The following SFT2D3 variants were observed in gnomAD, a reference collection of about 807,000 sequenced individuals.
SFT2D3 encodes SFT2 domain containing 3, also known as vesicle transport protein SFT2C.
For missense variants in SFT2D3, 405 were observed against 334.6 expected (o/e 1.21, Z -1.64); for synonymous variants, 239 against 191.2 (o/e 1.25, Z -2.06).
At position 127,704,734 on chromosome 2, in the gene SFT2D3, T is replaced by TA; in HGVS notation, c.*2561dup. 1 of 167,112 alleles carries TA rather than the reference T, an allele frequency of 6.0e-6. No individual in the cohort carries two copies. The highest frequency in any genetic ancestry group is 1.9e-4 in the East Asian group (1 of 5,206). The allele number at this position is 167,112 out of a possible 1,614,324, so 10.4% of individuals were successfully genotyped here. A position where few individuals can be genotyped will look rare whatever the true frequency, so the allele number is the denominator to read the frequency against. On this transcript the variant is annotated 3_prime_UTR_variant, in exon 1 of 1. Transcript: ENST00000310981. ...TTTTTTACATTCATAGAGAACCAGT[T>TA]AAATTTTCATATCCTGTTAAACTAT...
At position 127,701,995 on chromosome 2, in the gene SFT2D3, C is replaced by A; in HGVS notation, c.467C>A (p.Thr156Lys). The A allele has an allele frequency of 1.5e-6, 2 of 1,326,942 alleles. No homozygotes were observed. Among genetic ancestry groups the A allele is most frequent in the Non-Finnish European group, 1.9e-6 (2 of 1,041,886 alleles). The allele number at this position is 1,326,942 out of a possible 1,614,324, so 82.2% of individuals were successfully genotyped here. A position where few individuals can be genotyped will look rare whatever the true frequency, so the allele number is the denominator to read the frequency against. ...CTCTACATGGCAGCGCTGGGCGCCA[C>A]GCTGTTCGCCGCGCTGGGCCTTCGC... Reference protein sequence around the residue: ...ALLYMAALGATLFAALGLRST... With the variant: ...ALLYMAALGAKLFAALGLRST... The change falls in exon 1 of 1, where the codon ACG becomes AAG. Residue 156 changes from threonine (T) to lysine (K), a missense_variant. Transcript: ENST00000310981.
chr2:127,701,790 G>C lies in SFT2D3; in HGVS notation c.262G>C (p.Ala88Pro), dbSNP rs953133255. ...AAGGGCLLLA[A>P]LCFGLAALYA... ...GGGCGGCGGGTGCCTGCTGCTGGCTGCACTGTGTTTCGGCCTAGCCGCGCT... is the reference window on the plus strand; with the variant it reads ...GGGCGGCGGGTGCCTGCTGCTGGCTCCACTGTGTTTCGGCCTAGCCGCGCT... The change falls in exon 1 of 1, where the codon GCA becomes CCA. Residue 88 changes from alanine (A) to proline (P), a missense_variant. Transcript: ENST00000310981. The C allele has an allele frequency of 3.4e-6, 5 of 1,451,040 alleles. No homozygotes were observed. The African/African-American group carries it at 5.9e-5, about 17-fold the overall frequency. 89.9% of individuals were successfully genotyped at this position (1,451,040 alleles called of 1,614,324 possible).
In SFT2D3 at chr2:127,701,905, T is replaced by TGCGGG. The variant is rs1453165270; in HGVS notation, c.382_386dup (p.Cys132ArgfsTer164). 6.2e-6 allele frequency: 9 copies of TGCGGG among 1,452,352 alleles called. No homozygotes were observed. Among genetic ancestry groups the TGCGGG allele is most frequent in the Non-Finnish European group, 8.1e-6 (9 of 1,108,850 alleles). 90.0% of individuals were successfully genotyped at this position (1,452,352 alleles called of 1,614,324 possible). A position where few individuals can be genotyped will look rare whatever the true frequency, so the allele number is the denominator to read the frequency against. On this transcript the variant is annotated frameshift_variant, in exon 1 of 1. Coordinates refer to ENST00000310981, the MANE Select transcript of SFT2D3 (RefSeq NM_032740.4). LOFTEE classifies it low-confidence loss of function (END_TRUNC). ...CTGGCGTTGGCGGGAAGCGCGCTGC[T>TGCGGG]GCGGGGCGGCGCGGCGTGCGGACGC...
Position 127,701,818 on chromosome 2 carries a change from A to T in SFT2D3, c.290A>T (p.Tyr97Phe), listed in dbSNP as rs1048601919. ...AALCFGLAALYAPVLLLRARK... is the reference protein window; with the variant it reads ...AALCFGLAALFAPVLLLRARK... The stretch of plus-strand genomic sequence containing the variant: ...CTGTGTTTCGGCCTAGCCGCGCTCT[A>T]CGCACCGGTGTTGCTGCTGCGCGCG... Residue 97 changes from tyrosine to phenylalanine, a missense_variant, in exon 1 of 1, where the codon TAC becomes TTC. Physicochemically the swap from Tyr to Phe is conservative, Grantham distance 22 (BLOSUM62 3). Transcript: ENST00000310981. 11 of 1,457,544 alleles carry T rather than the reference A, an allele frequency of 7.5e-6. No homozygotes were observed. The highest frequency in any genetic ancestry group is 8.1e-6 in the Non-Finnish European group (9 of 1,109,186). 90.3% of individuals were successfully genotyped at this position (1,457,544 alleles called of 1,614,324 possible).
rs918863928 is a variant in SFT2D3 at position 127,701,808 on chromosome 2, G to A, written c.280G>A (p.Ala94Thr). Residue 94 changes from alanine (A) to threonine (T), a missense_variant, in exon 1 of 1, where the codon GCC becomes ACC. Transcript: ENST00000310981. Reference protein sequence around the residue: ...LLLAALCFGLAALYAPVLLLR... With the variant: ...LLLAALCFGLTALYAPVLLLR... ...GCTGGCTGCACTGTGTTTCGGCCTA[G>A]CCGCGCTCTACGCACCGGTGTTGCT... The A allele has an allele frequency of 6.2e-6, 9 of 1,456,608 alleles. No individual in the cohort carries two copies. In the African/African-American group the frequency reaches 8.9e-5, roughly 14 times the overall value. The allele number at this position is 1,456,608 out of a possible 1,614,324, so 90.2% of individuals were successfully genotyped here.
In SFT2D3 at chr2:127,701,892, G is replaced by A. The variant is rs777128165; in HGVS notation, c.364G>A (p.Gly122Arg). 4.8e-6 allele frequency: 7 copies of A among 1,456,304 alleles called. No homozygotes were observed. Among genetic ancestry groups the A allele is most frequent in the Non-Finnish European group, 3.6e-6 (4 of 1,110,390 alleles). The allele number at this position is 1,456,304 out of a possible 1,614,324, so 90.2% of individuals were successfully genotyped here. ...WSLGSALALA[G>R]SALLRGGAAC... ...ACTGGGCTCGGCGCTGGCGTTGGCG[G>A]GAAGCGCGCTGCTGCGGGGCGGCGC... Residue 122 changes from glycine (G) to arginine (R), a missense_variant, in exon 1 of 1, where the codon GGA (glycine) becomes AGA (arginine). Gly to Arg is a moderately radical substitution (Grantham distance 125). Transcript: ENST00000310981.
Position 127,702,110 on chromosome 2 carries a change from C to G in SFT2D3, c.582C>G (p.Thr194=), listed in dbSNP as rs1685907197. The G allele has an allele frequency of 1.6e-6, 2 of 1,216,404 alleles. No individual in the cohort carries two copies. Among genetic ancestry groups the G allele is most frequent in the Admixed American group, 4.4e-5 (1 of 22,806 alleles). 75.4% of individuals were successfully genotyped at this position (1,216,404 alleles called of 1,614,324 possible). A position where few individuals can be genotyped will look rare whatever the true frequency, so the allele number is the denominator to read the frequency against. The change falls in exon 1 of 1, where the codon ACC becomes ACG. Residue 194 remains threonine, a synonymous_variant. Transcript: ENST00000310981. ...LVGLLPWGGG[T]ALRLALGRLG... ...GGCTGCTGCCCTGGGGCGGCGGCAC[C>G]GCGCTGCGCCTCGCACTGGGTCGCC...
Position 127,702,137 on chromosome 2 carries a change from G to T in SFT2D3, c.609G>T (p.Leu203=). The T allele has an allele frequency of 8.2e-7, 1 of 1,215,892 alleles. No homozygotes were observed. 75.3% of individuals were successfully genotyped at this position (1,215,892 alleles called of 1,614,324 possible). A position where few individuals can be genotyped will look rare whatever the true frequency, so the allele number is the denominator to read the frequency against. Reference sequence around the variant, plus strand: ...CGCTGCGCCTCGCACTGGGTCGCCTGGGCCGCGGCGCCGGCCTCGCCAAGG... The same window carrying T: ...CGCTGCGCCTCGCACTGGGTCGCCTTGGCCGCGGCGCCGGCCTCGCCAAGG... ...GTALRLALGR[L]GRGAGLAKVL... The change falls in exon 1 of 1, where the codon CTG becomes CTT. Residue 203 remains leucine, a synonymous_variant. Coordinates refer to ENST00000310981, the MANE Select transcript of SFT2D3 (RefSeq NM_032740.4).
Position 127,701,994 on chromosome 2 carries a change from A to C in SFT2D3, c.466A>C (p.Thr156Pro). ...GCTCTACATGGCAGCGCTGGGCGCCACGCTGTTCGCCGCGCTGGGCCTTCG... is the reference window on the plus strand; with the variant it reads ...GCTCTACATGGCAGCGCTGGGCGCCCCGCTGTTCGCCGCGCTGGGCCTTCG... ...ALLYMAALGATLFAALGLRST... is the reference protein window; with the variant it reads ...ALLYMAALGAPLFAALGLRST... Residue 156 changes from threonine (T) to proline (P), a missense_variant, in exon 1 of 1, where the codon ACG (threonine) becomes CCG (proline). By Grantham distance (38) the Thr-to-Pro change is conservative (BLOSUM62 -1). Transcript: ENST00000310981. 2 of 1,332,596 alleles carry C rather than the reference A, an allele frequency of 1.5e-6. No individual in the cohort carries two copies. The highest frequency in any genetic ancestry group is 1.9e-6 in the Non-Finnish European group (2 of 1,044,800). The allele number at this position is 1,332,596 out of a possible 1,614,324, so 82.5% of individuals were successfully genotyped here. A position where few individuals can be genotyped will look rare whatever the true frequency, so the allele number is the denominator to read the frequency against.
rs1411783638 is a variant in SFT2D3 at position 127,703,236 on chromosome 2, C to A, written c.*1060C>A. 6.0e-6 allele frequency: 1 copy of A among 167,042 alleles called. No individual in the cohort carries two copies. Among genetic ancestry groups the A allele is most frequent in the Non-Finnish European group, 1.5e-5 (1 of 68,108 alleles). 10.3% of individuals were successfully genotyped at this position (167,042 alleles called of 1,614,324 possible). A position where few individuals can be genotyped will look rare whatever the true frequency, so the allele number is the denominator to read the frequency against. On this transcript the variant is annotated 3_prime_UTR_variant, in exon 1 of 1. Transcript: ENST00000310981. Reference sequence around the variant, plus strand: ...CTCGCGCTTGACTGCACATCAGTTACTTGAAGAGCCACACCTCAGATCAAT... The same window carrying A: ...CTCGCGCTTGACTGCACATCAGTTAATTGAAGAGCCACACCTCAGATCAAT...
At position 127,702,090 on chromosome 2, in the gene SFT2D3, C is replaced by G. The variant is rs1270449785; in HGVS notation, c.562C>G (p.Leu188Val). 6.5e-6 allele frequency: 8 copies of G among 1,223,602 alleles called. No homozygotes were observed. Among genetic ancestry groups the G allele is most frequent in the Admixed American group, 8.7e-5 (2 of 23,010 alleles). The allele number at this position is 1,223,602 out of a possible 1,614,324, so 75.8% of individuals were successfully genotyped here. The change falls in exon 1 of 1, where the codon CTG becomes GTG. Residue 188 changes from leucine (L) to valine (V), a missense_variant. Leu to Val is a conservative substitution (Grantham distance 32, BLOSUM62 1). Coordinates refer to ENST00000310981, the MANE Select transcript of SFT2D3 (RefSeq NM_032740.4). ...GCTGCTGGCCGCGCTGGTTGGGCTG[C>G]TGCCCTGGGGCGGCGGCACCGCGCT... The part of the protein sequence containing the change: ...AALLAALVGL[L>V]PWGGGTALRL...
Position 127,702,256 on chromosome 2 carries a change from C to A in SFT2D3, c.*80C>A. 1 of 1,147,196 alleles carries A rather than the reference C, an allele frequency of 8.7e-7. No individual in the cohort carries two copies. Among genetic ancestry groups the A allele is most frequent in the East Asian group, 4.2e-5 (1 of 23,704 alleles). 71.1% of individuals were successfully genotyped at this position (1,147,196 alleles called of 1,614,324 possible). A position where few individuals can be genotyped will look rare whatever the true frequency, so the allele number is the denominator to read the frequency against. On this transcript the variant is annotated 3_prime_UTR_variant, in exon 1 of 1. Transcript: ENST00000310981. ...CGCGCCGGCCGAGCTGAGGACTGCA[C>A]GCCGCTGTGCGGAAGCCCGTGGCGA... is the stretch of plus-strand genomic sequence containing the variant.
rs1268741515 is a variant in SFT2D3, at chr2:127,704,710, T to C, written c.*2534T>C. 1 of 167,130 alleles carries C rather than the reference T, an allele frequency of 6.0e-6. No individual in the cohort carries two copies. Among genetic ancestry groups the C allele is most frequent in the Non-Finnish European group, 1.5e-5 (1 of 68,130 alleles). The allele number at this position is 167,130 out of a possible 1,614,324, so 10.4% of individuals were successfully genotyped here. On this transcript the variant is annotated 3_prime_UTR_variant, in exon 1 of 1. Transcript: ENST00000310981. ...ACAGAAATCAATTAGCTTTTGCTGT[T>C]TTTTACATTCATAGAGAACCAGTTA...
chr2:127,702,357 C>T lies in SFT2D3; in HGVS notation c.*181C>T. The T allele has an allele frequency of 6.2e-6, 3 of 483,546 alleles. No homozygotes were observed. Among genetic ancestry groups the T allele is most frequent in the Non-Finnish European group, 9.5e-6 (3 of 314,396 alleles). 30.0% of individuals were successfully genotyped at this position (483,546 alleles called of 1,614,324 possible). A position where few individuals can be genotyped will look rare whatever the true frequency, so the allele number is the denominator to read the frequency against. On this transcript the variant is annotated 3_prime_UTR_variant, in exon 1 of 1. Transcript: ENST00000310981. ...GCGGAGGCGACAGCAGCGTTGGGAGCTCCTCGATGTCAGCTTTTTGTGCTG... is the reference window on the plus strand; with the variant it reads ...GCGGAGGCGACAGCAGCGTTGGGAGTTCCTCGATGTCAGCTTTTTGTGCTG...
Position 127,701,843 on chromosome 2 carries a change from G to C in SFT2D3, c.315G>C (p.Ala105=). 6.9e-7 allele frequency: 1 copy of C among 1,458,790 alleles called. No homozygotes were observed. The highest frequency in any genetic ancestry group is 9.0e-7 in the Non-Finnish European group (1 of 1,109,940). 90.4% of individuals were successfully genotyped at this position (1,458,790 alleles called of 1,614,324 possible). ...ACGCACCGGTGTTGCTGCTGCGCGC[G>C]CGCAAGTTCGCGCTGCTCTGGTCAC... ...ALYAPVLLLR[A]RKFALLWSLG... is the part of the protein sequence containing the mutation. The change falls in exon 1 of 1, where the codon GCG becomes GCC. Residue 105 remains alanine (A), a synonymous_variant. Coordinates refer to ENST00000310981, the MANE Select transcript of SFT2D3 (RefSeq NM_032740.4).
Position 127,701,854 on chromosome 2 carries a change from C to T in SFT2D3, c.326C>T (p.Ala109Val), listed in dbSNP as rs1194809509. 6 of 1,461,332 alleles carry T rather than the reference C, an allele frequency of 4.1e-6. No homozygotes were observed. The highest frequency in any genetic ancestry group is 2.4e-5 in the Admixed American group (1 of 41,160). The allele number at this position is 1,461,332 out of a possible 1,614,324, so 90.5% of individuals were successfully genotyped here. ...PVLLLRARKFALLWSLGSALA... is the reference protein window; with the variant it reads ...PVLLLRARKFVLLWSLGSALA... ...TTGCTGCTGCGCGCGCGCAAGTTCG[C>T]GCTGCTCTGGTCACTGGGCTCGGCG... is the stretch of plus-strand genomic sequence containing the variant. The change falls in exon 1 of 1, where the codon GCG becomes GTG. Residue 109 changes from alanine (A) to valine (V), a missense_variant. Physicochemically the swap from Ala to Val is moderately conservative, Grantham distance 64. Coordinates refer to ENST00000310981, the MANE Select transcript of SFT2D3 (RefSeq NM_032740.4).
chr2:127,702,005 C>CG lies in SFT2D3; in HGVS notation c.478dup (p.Ala160GlyfsTer81), dbSNP rs1010897673. 3 of 1,310,698 alleles carry CG rather than the reference C, an allele frequency of 2.3e-6. No individual in the cohort carries two copies. The African/African-American group carries it at 4.7e-5, about 20-fold the overall frequency. The allele number at this position is 1,310,698 out of a possible 1,614,324, so 81.2% of individuals were successfully genotyped here. Reference sequence around the variant, plus strand: ...CAGCGCTGGGCGCCACGCTGTTCGCCGCGCTGGGCCTTCGCAGCACGCTGC... The same window carrying CG: ...CAGCGCTGGGCGCCACGCTGTTCGCCGGCGCTGGGCCTTCGCAGCACGCTGC... On this transcript the variant is annotated frameshift_variant, in exon 1 of 1. Transcript: ENST00000310981. LOFTEE classifies it low-confidence loss of function (END_TRUNC).
rs773983716 is a variant in SFT2D3, at chr2:127,701,916, G to C, written c.388G>C (p.Ala130Pro). Residue 130 changes from alanine (A) to proline (P), a missense_variant, in exon 1 of 1, where the codon GCG (alanine) becomes CCG (proline). By Grantham distance (27) the Ala-to-Pro change is conservative (BLOSUM62 -1). Transcript: ENST00000310981. ...LAGSALLRGG[A>P]ACGRLLRCEE... is the part of the protein sequence containing the mutation. ...GGGAAGCGCGCTGCTGCGGGGCGGCGCGGCGTGCGGACGCCTGCTGCGCTG... is the reference window on the plus strand; with the variant it reads ...GGGAAGCGCGCTGCTGCGGGGCGGCCCGGCGTGCGGACGCCTGCTGCGCTG... 6 of 1,446,522 alleles carry C rather than the reference G, an allele frequency of 4.1e-6. No homozygotes were observed. In the South Asian group the frequency reaches 8.0e-5, roughly 19 times the overall value. 89.6% of individuals were successfully genotyped at this position (1,446,522 alleles called of 1,614,324 possible). A position where few individuals can be genotyped will look rare whatever the true frequency, so the allele number is the denominator to read the frequency against.
rs868165776 is a variant in SFT2D3, at chr2:127,701,853, G to C, written c.325G>C (p.Ala109Pro). The change falls in exon 1 of 1, where the codon GCG becomes CCG. Residue 109 changes from alanine to proline, a missense_variant. Ala to Pro is a conservative substitution (Grantham distance 27). Transcript: ENST00000310981. Reference sequence around the variant, plus strand: ...GTTGCTGCTGCGCGCGCGCAAGTTCGCGCTGCTCTGGTCACTGGGCTCGGC... The same window carrying C: ...GTTGCTGCTGCGCGCGCGCAAGTTCCCGCTGCTCTGGTCACTGGGCTCGGC... ...PVLLLRARKFALLWSLGSALA... is the reference protein window; with the variant it reads ...PVLLLRARKFPLLWSLGSALA... The C allele has an allele frequency of 2.7e-6, 4 of 1,461,198 alleles. No homozygotes were observed. Among genetic ancestry groups the C allele is most frequent in the African/African-American group, 1.5e-5 (1 of 67,686 alleles). The allele number at this position is 1,461,198 out of a possible 1,614,324, so 90.5% of individuals were successfully genotyped here. A position where few individuals can be genotyped will look rare whatever the true frequency, so the allele number is the denominator to read the frequency against.
Sources: gnomAD v4.1 joint callset for allele counts on GRCh38, gnomAD v4.1.1 for gene constraint, MANE v1.5 for transcripts, NCBI Gene and HGNC (gene_info 2026-07-23, HGNC 2026-07-21) for gene names.